The following USP37 variants were observed in gnomAD, a reference collection of about 807,000 sequenced individuals.
The protein encoded by USP37 is ubiquitin carboxyl-terminal hydrolase 37.
A neutral mutation model predicts 124.0 loss-of-function variants in USP37; 27 were observed. The ratio of observed to expected loss-of-function variants is 0.22; its 90% CI spans 0.16 to 0.30. USP37 has a LOEUF of 0.30. Among genes scored for constraint, USP37 ranks in the 10% least tolerant of loss-of-function variants. The pLI is 1.00. For synonymous variants in USP37, 365 were observed against 388.0 expected (o/e 0.94, Z 0.70); for missense variants, 889 against 1,140.4 (o/e 0.78, Z 3.17).
At chr2:218,543,948 A>C (rs1405409799) in intron 8 of USP37, among the ~76,000 whole-genome samples, 1 of 152,226 alleles carries the variant, frequency 6.6e-6, no homozygotes, top group East Asian at 1.9e-4. Flanking sequence ...GGCAGTGGTA[A>C]GAGTTAACTA....
chr2:218,544,426 T>TAGAGAG (rs1434695494), intron 8 of USP37, among the ~76,000 whole-genome samples: 1,549 of 47,526 alleles, frequency 0.033, 19 homozygotes, highest in Middle Eastern at 0.07. Flanking sequence ...TATATATATA[T>TAGAGAG]ATATAGAGAG....
intron 16 of USP37, among the ~76,000 whole-genome samples, chr2:218,483,593 G>GAA (rs773885068): frequency 1.8e-5 from 2 of 114,026 alleles, no homozygotes; most frequent in Non-Finnish European, 3.7e-5. Flanking sequence ...GATCTACCAG[G>GAA]AAAAAAAAAA....
At chr2:218,539,652 T>C (rs1418005758) in intron 8 of USP37, among the ~76,000 whole-genome samples, 5 of 151,672 alleles carry the variant, frequency 3.3e-5, no homozygotes, top group Non-Finnish European at 7.4e-5. Flanking sequence ...GAGGCGGAGG[T>C]TGCAGTGAGC....
intron 11 of USP37, 72 bp downstream of exon 11, chr2:218,509,907 C>T (rs1451357233): frequency 1.1e-5 from 15 of 1,363,504 alleles, no homozygotes; most frequent in Admixed American, 2.7e-5. Context: ...CCTTTAATTA[C>T]ATTTTACACC....
At chr2:218,513,735 C>A (rs1239738639) in intron 10 of USP37, among the ~76,000 whole-genome samples, 1 of 152,208 alleles carries the variant, frequency 6.6e-6, no homozygotes, top group Non-Finnish European at 1.5e-5. Context: ...ATAAACAGTT[C>A]ATCCTTTCTA....
intron 16 of USP37, among the ~76,000 whole-genome samples, chr2:218,484,368 T>C (rs2105976984): frequency 6.6e-6 from 1 of 152,172 alleles, no homozygotes; most frequent in East Asian, 1.9e-4. Flanking sequence ...ATGCCTATAA[T>C]CCCAGCACTT....
At chr2:218,468,077 T>C (rs547144801) in intron 20 of USP37, among the ~76,000 whole-genome samples, 45 of 151,040 alleles carry the variant, frequency 3.0e-4, no homozygotes, top group Non-Finnish European at 6.3e-4. Flanking sequence ...TTGGTAGAGA[T>C]GGGGTTTCAC....
In USP37 at chr2:218,453,356, G is replaced by C. The variant is rs954151847; in HGVS notation, c.*1574C>G. 4 of 151,708 alleles carry C rather than the reference G, an allele frequency of 2.6e-5. No individual in the cohort carries two copies. Among genetic ancestry groups the C allele is most frequent in the African/African-American group, 7.3e-5 (3 of 41,290 alleles). The allele number at this position is 151,708 out of a possible 1,614,324, so 9.4% of individuals were successfully genotyped here. On this transcript the variant is annotated 3_prime_UTR_variant, in exon 26 of 26. Coordinates refer to ENST00000258399, the MANE Select transcript of USP37 (RefSeq NM_020935.3). ...CAGCTCACTGCAACCTCTGCCTCCT[G>C]GGTTCAAGTGATTCTCTCATGTGAT... is the stretch of plus-strand genomic sequence containing the variant.
At position 218,453,026 on chromosome 2, in the gene USP37, C is replaced by T. The variant is rs1169978533; in HGVS notation, c.*1904G>A. On this transcript the variant is annotated 3_prime_UTR_variant, in exon 26 of 26. Coordinates refer to ENST00000258399, the MANE Select transcript of USP37 (RefSeq NM_020935.3). ...ACTCTGGCGTTTTCTACCACTCTACCATTTTGGAACATTCATTACAATAAG... is the reference window on the plus strand; with the variant it reads ...ACTCTGGCGTTTTCTACCACTCTACTATTTTGGAACATTCATTACAATAAG... 1.3e-5 allele frequency: 2 copies of T among 152,158 alleles called. No homozygotes were observed. The highest frequency in any genetic ancestry group is 4.1e-4 in the South Asian group (2 of 4,832). 9.4% of individuals were successfully genotyped at this position (152,158 alleles called of 1,614,324 possible).
intron 10 of USP37, among the ~76,000 whole-genome samples, chr2:218,511,316 TC>T (rs1404392661): frequency 6.6e-6 from 1 of 152,132 alleles, no homozygotes; most frequent in East Asian, 1.9e-4. Context: ...CAGCTAATTT[TC>T]TTTTTTTTGA....
intron 8 of USP37, among the ~76,000 whole-genome samples, chr2:218,539,331 A>C (rs1161815479): frequency 2.0e-5 from 3 of 152,150 alleles, no homozygotes; most frequent in Non-Finnish European, 4.4e-5. Flanking sequence ...TGCAACACAA[A>C]AAGTAACATA....
chr2:218,528,497 T>A, intron 10 of USP37: 1 of 187,330 alleles, frequency 5.3e-6, no homozygotes, highest in Non-Finnish European at 1.1e-5. Flanking sequence ...TTGTTCAACA[T>A]CCACTTATGA....
intron 21 of USP37, among the ~76,000 whole-genome samples, chr2:218,463,806 A>C (rs777617965): frequency 6.8e-6 from 1 of 147,506 alleles, no homozygotes; most frequent in Non-Finnish European, 1.5e-5. Context: ...AAGTGCTGGG[A>C]TTACAAGTGT....
chr2:218,525,207 G>A (rs1486150037), intron 10 of USP37, among the ~76,000 whole-genome samples: 1 of 152,204 alleles, frequency 6.6e-6, no homozygotes, highest in Non-Finnish European at 1.5e-5. Flanking sequence ...TTGGTCAGGT[G>A]CAGTCGCTCG....
At chr2:218,486,532 C>T (rs151133937) in intron 15 of USP37, among the ~76,000 whole-genome samples, 1,588 of 152,256 alleles carry the variant, frequency 0.01, 27 homozygotes, top group African/African-American at 0.035. Context: ...AAGTGATTCT[C>T]GTGCCTCAGC....
chr2:218,480,127 C>A (rs1029658729), intron 17 of USP37, among the ~76,000 whole-genome samples: 1 of 148,528 alleles, frequency 6.7e-6, no homozygotes. Context: ...GCTTGGGCAA[C>A]GGAGTGAGAC....
intron 18 of USP37, among the ~76,000 whole-genome samples, chr2:218,477,980 T>G (rs1477081264): frequency 6.6e-6 from 1 of 151,976 alleles, no homozygotes; most frequent in Non-Finnish European, 1.5e-5. Context: ...GTGGTAAAGG[T>G]CAAAGAACAA....
At chr2:218,550,039 A>G (rs1056355323) in intron 5 of USP37, 130 bp from the exon 6 acceptor site, 5 of 600,740 alleles carry the variant, frequency 8.3e-6, no homozygotes, top group Non-Finnish European at 1.3e-5. Flanking sequence ...AAAACAAATC[A>G]AAGTGCCTAT....
At chr2:218,458,383 C>G (rs1247782890) in intron 23 of USP37, among the ~76,000 whole-genome samples, 1 of 151,722 alleles carries the variant, frequency 6.6e-6, no homozygotes, top group African/African-American at 2.4e-5. Context: ...ACTGGCCTAG[C>G]CAACATGGTG....
Sources: gnomAD v4.1 joint callset for allele counts (sites outside exome capture counted in the v4.1 genomes callset) on GRCh38, gnomAD v4.1.1 for gene constraint, MANE v1.5 for transcripts, NCBI Gene and HGNC (gene_info 2026-07-23, HGNC 2026-07-21) for gene names.